GSK3B: variants seen among roughly 807,000 people sequenced by gnomAD.
GSK3B encodes the protein glycogen synthase kinase 3 beta, also known as glycogen synthase kinase-3 beta.
A neutral mutation model predicts 56.4 loss-of-function variants in GSK3B; 15 were observed. The observed-to-expected ratio is 0.27, with a 90% CI of 0.18 to 0.41. The LOEUF (loss-of-function observed/expected upper bound fraction) is 0.41, where lower values mean the gene tolerates loss of function less well. GSK3B is among the 10% of genes least tolerant of loss of function. The pLI is 1.00. For missense variants in GSK3B, 300 were observed against 513.4 expected (o/e 0.58, Z 4.02); for synonymous variants, 181 against 188.9 (o/e 0.96, Z 0.34).
chr3:119,953,697 C>T (rs1354143428), intron 2 of GSK3B, among the ~76,000 whole-genome samples: 1 of 152,116 alleles, frequency 6.6e-6, no homozygotes, highest in East Asian at 1.9e-4. Flanking sequence ...TATATTGTTT[C>T]ATTCCCAATT....
rs762753287 is a variant in GSK3B at position 120,038,507 on chromosome 3, A to AAAGTCTCC, written c.89-36269_89-36268insGGAGACTT. On this transcript the variant is annotated intron_variant, in intron 1 of 10. Transcript: ENST00000264235. ...CAAGCCACTGCACTCCAGCCAAGGCAAGAGTGAGACTCTGTCTCAAAAAAA... is the reference window on the plus strand; with the variant it reads ...CAAGCCACTGCACTCCAGCCAAGGCAAAGTCTCCAGAGTGAGACTCTGTCTCAAAAAAA... 1.5e-3 allele frequency among the ~76,000 whole-genome samples: 228 copies of AAAGTCTCC among 152,298 alleles called. 1 individual carries two copies. Among genetic ancestry groups the AAAGTCTCC allele is most frequent in the Non-Finnish European group, 1.9e-3 (130 of 68,018 alleles).
intron 7 of GSK3B, among the ~76,000 whole-genome samples, chr3:119,884,020 A>G (rs923165573): frequency 1.3e-5 from 2 of 152,156 alleles, no homozygotes; most frequent in East Asian, 1.9e-4. Context: ...TACCTGCGGT[A>G]TAAGTGCTAG....
At position 119,875,771 on chromosome 3, in the gene GSK3B, A is replaced by G. The variant is rs535505042; in HGVS notation, c.909+642T>C. ...TAAAATCTCTTTTAAAATCATTCCA[A>G]TTAAATACCAAAGGAAAAAAAAAAG... On this transcript the variant is annotated intron_variant, in intron 8 of 10. Coordinates refer to ENST00000264235, the MANE Select transcript of GSK3B (RefSeq NM_001146156.2). Among the ~76,000 whole-genome samples the G allele has an allele frequency of 2.0e-5, 3 of 152,166 alleles. No homozygotes were observed. The East Asian group carries it at 5.8e-4, about 29-fold the overall frequency.
At chr3:119,829,502 T>C (rs891575702) in intron 10 of GSK3B, among the ~76,000 whole-genome samples, 3 of 152,346 alleles carry the variant, frequency 2.0e-5, no homozygotes, top group East Asian at 1.9e-4. Flanking sequence ...CATGCCAACA[T>C]GGAGAGAGCA....
chr3:119,940,254 G>T (rs1414413165), intron 3 of GSK3B, among the ~76,000 whole-genome samples: 1 of 151,800 alleles, frequency 6.6e-6, no homozygotes, highest in Admixed American at 6.6e-5. Flanking sequence ...TAAGCAATTT[G>T]CTTGAGGACA....
intron 2 of GSK3B, among the ~76,000 whole-genome samples, chr3:119,988,389 T>G (rs1381584084): frequency 6.6e-6 from 1 of 152,224 alleles, no homozygotes; most frequent in Non-Finnish European, 1.5e-5. Context: ...TTCTCCATAA[T>G]TTTGAAACTA....
At chr3:119,924,977 T>C (rs1258453171) in intron 3 of GSK3B, among the ~76,000 whole-genome samples, 2 of 152,224 alleles carry the variant, frequency 1.3e-5, no homozygotes, top group Non-Finnish European at 1.5e-5. Context: ...GAGCTCAACA[T>C]GGCTGCAAAG....
At chr3:120,076,252 T>G (rs1185601479) in intron 1 of GSK3B, among the ~76,000 whole-genome samples, 1 of 152,126 alleles carries the variant, frequency 6.6e-6, no homozygotes. Flanking sequence ...AGCCACAAAA[T>G]TCCTAGAAGA....
intron 8 of GSK3B, among the ~76,000 whole-genome samples, chr3:119,866,342 T>C (rs2056182454): frequency 6.6e-6 from 1 of 152,204 alleles, no homozygotes; most frequent in Non-Finnish European, 1.5e-5. Flanking sequence ...ATAGAAATAA[T>C]AATTTTAAAA....
intron 5 of GSK3B, among the ~76,000 whole-genome samples, chr3:119,913,120 A>C (rs1329825039): frequency 6.6e-6 from 1 of 152,088 alleles, no homozygotes; most frequent in East Asian, 1.9e-4. Context: ...CACCTCTAAA[A>C]TACAAAGAAG....
rs199957194 is a variant in GSK3B, at chr3:120,093,813, C to A, written c.-379G>T. The A allele has an allele frequency of 1.4e-5, 3 of 209,952 alleles. No homozygotes were observed. The highest frequency in any genetic ancestry group is 1.5e-4 in the East Asian group (2 of 13,376). 13.0% of individuals were successfully genotyped at this position (209,952 alleles called of 1,614,324 possible). A position where few individuals can be genotyped will look rare whatever the true frequency, so the allele number is the denominator to read the frequency against. On this transcript the variant is annotated 5_prime_UTR_variant, in exon 1 of 11. Transcript: ENST00000264235. ...AGTACTTCGAATATTATATTTTCCT[C>A]GGGGATTTTTTTTCCGAGTCAATGA...
intron 2 of GSK3B, among the ~76,000 whole-genome samples, chr3:119,961,510 C>T (rs557141420): frequency 1.4e-4 from 21 of 152,000 alleles, no homozygotes; most frequent in African/African-American, 5.1e-4. Flanking sequence ...CACCTATAGT[C>T]CCAGTTACTC....
chr3:119,855,365 T>A (rs1056273237), intron 9 of GSK3B, among the ~76,000 whole-genome samples: 2 of 152,166 alleles, frequency 1.3e-5, no homozygotes, highest in African/African-American at 4.8e-5. Context: ...ATAGGAACAC[T>A]TTTACACTGT....
At chr3:120,090,987 A>G (rs1382536955) in intron 1 of GSK3B, among the ~76,000 whole-genome samples, 5 of 152,064 alleles carry the variant, frequency 3.3e-5, no homozygotes. Flanking sequence ...TAGACCTTTC[A>G]TGCTTTTCTA....
chr3:119,860,615 A>G (rs2056089687), intron 9 of GSK3B, among the ~76,000 whole-genome samples: 1 of 152,230 alleles, frequency 6.6e-6, no homozygotes. Flanking sequence ...AAATGCAGTT[A>G]GCTTTATTGT....
rs577517369 is a variant in GSK3B at position 120,042,027 on chromosome 3, A to G, written c.89-39788T>C. Among the ~76,000 whole-genome samples the G allele has an allele frequency of 4.6e-5, 7 of 152,354 alleles. No individual in the cohort carries two copies. In the South Asian group the frequency reaches 1.2e-3, roughly 27 times the overall value. On this transcript the variant is annotated intron_variant, in intron 1 of 10. Transcript: ENST00000264235. Reference sequence around the variant, plus strand: ...ACGAGGTCTTATTAACAGTAAGGTCAAAACCTTGTTCACAAGGAATTAATC... The same window carrying G: ...ACGAGGTCTTATTAACAGTAAGGTCGAAACCTTGTTCACAAGGAATTAATC...
intron 4 of GSK3B, among the ~76,000 whole-genome samples, chr3:119,918,329 C>A (rs78861302): frequency 1.3e-5 from 2 of 151,128 alleles, no homozygotes; most frequent in Non-Finnish European, 3.0e-5. Context: ...AAAAATTAGC[C>A]GGTCTTGGTG....
rs115474401 is a variant in GSK3B at position 119,973,861 on chromosome 3, G to A, written c.283-26510C>T. 4.3e-3 allele frequency among the ~76,000 whole-genome samples: 659 copies of A among 152,166 alleles called. 4 individuals carry two copies. Among genetic ancestry groups the A allele is most frequent in the Middle Eastern group, 0.01 (3 of 294 alleles). ...ACTGGGGGTCTTGGAACATACCCCC[G>A]AAAGTAAGGGGAAATAACTGTAGTG... On this transcript the variant is annotated intron_variant, in intron 2 of 10. Coordinates refer to ENST00000264235, the MANE Select transcript of GSK3B (RefSeq NM_001146156.2).
intron 7 of GSK3B, among the ~76,000 whole-genome samples, chr3:119,889,457 GT>G (rs1475345143): frequency 1.3e-5 from 2 of 152,086 alleles, no homozygotes; most frequent in Non-Finnish European, 2.9e-5. Flanking sequence ...CACGGTTCTT[GT>G]TTTCTATATG....
Sources: gnomAD v4.1 joint callset for allele counts (sites outside exome capture counted in the v4.1 genomes callset) on GRCh38, gnomAD v4.1.1 for gene constraint, MANE v1.5 for transcripts, NCBI Gene and HGNC (gene_info 2026-07-23, HGNC 2026-07-21) for gene names.